The following KCNJ6 variants were observed in gnomAD, a reference collection of about 807,000 sequenced individuals.
KCNJ6 encodes the protein G protein-activated inward rectifier potassium channel 2.
Under a neutral mutation model 34.2 loss-of-function variants are expected in KCNJ6, and 9 were observed. That is an observed-to-expected ratio of 0.26 (90% CI 0.16 to 0.46). The LOEUF (loss-of-function observed/expected upper bound fraction) is 0.46, where lower values mean the gene tolerates loss of function less well. Ranked by LOEUF, KCNJ6 falls within the 20% of genes least tolerant of loss-of-function variation. The probability of loss-of-function intolerance (pLI) is 1.00; values close to 1 mark genes in which losing one functional copy is unlikely to be tolerated. For synonymous variants in KCNJ6, 196 were observed against 207.1 expected, an observed-to-expected ratio of 0.95 and a Z score of 0.46; for missense variants, 236 against 531.3, an observed-to-expected ratio of 0.44 and a Z score of 5.46.
intron 1 of KCNJ6, among the ~76,000 whole-genome samples, chr21:37,880,365 T>G (rs3827201): frequency 0.3 from 45,098 of 152,198 alleles, 8,524 homozygotes; most frequent in African/African-American, 0.55. Flanking sequence ...AACATTGGAA[T>G]TTAGTCCTGG....
rs965422646 is a variant in KCNJ6, at chr21:37,618,495, C to T, written c.*6664G>A. 8.5e-5 allele frequency: 13 copies of T among 152,146 alleles called. No individual in the cohort carries two copies. The highest frequency in any genetic ancestry group is 2.7e-4 in the African/African-American group (11 of 41,500). 9.4% of individuals were successfully genotyped at this position (152,146 alleles called of 1,614,324 possible). On this transcript the variant is annotated 3_prime_UTR_variant, in exon 4 of 4. Coordinates refer to ENST00000609713, the MANE Select transcript of KCNJ6 (RefSeq NM_002240.5). ...ATTTACATTGCCTGAGAAAAACAGC[C>T]CTTCATATTCTTATAAAGATTGGCT...
intron 2 of KCNJ6, among the ~76,000 whole-genome samples, chr21:37,772,180 G>A (rs750048665): frequency 6.6e-6 from 1 of 152,004 alleles, no homozygotes; most frequent in Non-Finnish European, 1.5e-5. Flanking sequence ...AAAAATTAAA[G>A]AGTGCCCCAA....
chr21:37,837,340 C>G (rs930887070), intron 2 of KCNJ6, among the ~76,000 whole-genome samples: 5 of 152,112 alleles, frequency 3.3e-5, no homozygotes, highest in African/African-American at 1.2e-4. Flanking sequence ...TTTATTCAAA[C>G]ATTTAAAATT....
chr21:37,752,424 T>G (rs961222051), intron 2 of KCNJ6, among the ~76,000 whole-genome samples: 5 of 152,056 alleles, frequency 3.3e-5, no homozygotes, highest in African/African-American at 1.2e-4. Flanking sequence ...CAGTCAAACC[T>G]TCTCTCCCAG....
intron 2 of KCNJ6, among the ~76,000 whole-genome samples, chr21:37,740,970 T>C (rs148491873): frequency 2.5e-3 from 376 of 152,368 alleles, no homozygotes; most frequent in African/African-American, 8.8e-3. Context: ...CCCTTGAATG[T>C]TGGGGGTACC....
At position 37,699,914 on chromosome 21, in the gene KCNJ6, A is replaced by T. The variant is rs111577452; in HGVS notation, c.946+14297T>A. Among the ~76,000 whole-genome samples the T allele has an allele frequency of 6.7e-3, 1,024 of 152,326 alleles. 13 individuals carry two copies. Among genetic ancestry groups the T allele is most frequent in the African/African-American group, 0.024 (985 of 41,572 alleles). The stretch of plus-strand genomic sequence containing the variant: ...CATTAAATGACATGACAGCCTTCAT[A>T]GGGAAGCCAGATGTTGCCCACAACT... On this transcript the variant is annotated intron_variant, in intron 3 of 3. Coordinates refer to ENST00000609713, the MANE Select transcript of KCNJ6 (RefSeq NM_002240.5).
chr21:37,914,008 G>GTGTGTGTGT (rs1555855560), intron 1 of KCNJ6, among the ~76,000 whole-genome samples: 2 of 135,584 alleles, frequency 1.5e-5, no homozygotes, highest in East Asian at 2.4e-4. Flanking sequence ...GGCGGATCGG[G>GTGTGTGTGT]GTGTGTGTGT....
chr21:37,636,076 C>T (rs555920675), intron 3 of KCNJ6, among the ~76,000 whole-genome samples: 2 of 152,246 alleles, frequency 1.3e-5, no homozygotes, highest in South Asian at 2.1e-4. Flanking sequence ...ACGTGGAGTA[C>T]TGATGTCTGA....
At position 37,840,709 on chromosome 21, in the gene KCNJ6, C is replaced by T; in HGVS notation, c.-27G>A. ...GTTGCAGTTTCTTCTTTGTGCTTTT[C>T]CTGGAGGTGAGAAGAAAAGACAATT... On this transcript the variant is annotated splice_region_variant and 5_prime_UTR_variant, in exon 2 of 4. Transcript: ENST00000609713. 2.6e-6 allele frequency: 4 copies of T among 1,567,874 alleles called. No individual in the cohort carries two copies. The highest frequency in any genetic ancestry group is 1.8e-6 in the Non-Finnish European group (2 of 1,141,728).
At chr21:37,667,154 TAAAAAAAAAAAAAAAAAAAAAA>T (rs55953891) in intron 3 of KCNJ6, among the ~76,000 whole-genome samples, 1 of 39,068 alleles carries the variant, frequency 2.6e-5, no homozygotes, top group East Asian at 8.3e-4. Flanking sequence ...CAATAAATAC[TAAAAAAAAAAAAAAAAAAAAAA>T]AAAAAAAATT....
rs3787824 is a variant in KCNJ6 at position 37,746,077 on chromosome 21, T to C, written c.26-30946A>G. ...CAAACTCTATCTGTGATCTCTCTTATAAGGGTGCTGACTCCATCCTGAGGG... is the reference window on the plus strand; with the variant it reads ...CAAACTCTATCTGTGATCTCTCTTACAAGGGTGCTGACTCCATCCTGAGGG... On this transcript the variant is annotated intron_variant, in intron 2 of 3. Coordinates refer to ENST00000609713, the MANE Select transcript of KCNJ6 (RefSeq NM_002240.5). Among the ~76,000 whole-genome samples the C allele has an allele frequency of 4.6e-5, 7 of 152,264 alleles. No homozygotes were observed. The East Asian group carries it at 1.4e-3, about 29-fold the overall frequency.
At chr21:37,815,977 T>C (rs1448010283) in intron 2 of KCNJ6, among the ~76,000 whole-genome samples, 1 of 152,174 alleles carries the variant, frequency 6.6e-6, no homozygotes, top group Non-Finnish European at 1.5e-5. Flanking sequence ...GGTGTCTTGG[T>C]GAATACAGGC....
In KCNJ6 at chr21:37,621,959, C is replaced by T. The variant is rs2054291240; in HGVS notation, c.*3200G>A. On this transcript the variant is annotated 3_prime_UTR_variant, in exon 4 of 4. Coordinates refer to ENST00000609713, the MANE Select transcript of KCNJ6 (RefSeq NM_002240.5). ...GTTGATTTATAAATGAATGGGTGCT[C>T]TTCCAGTTGGAGAGCACGTTGGGGT... 6.6e-6 allele frequency: 1 copy of T among 152,218 alleles called. No homozygotes were observed. Among genetic ancestry groups the T allele is most frequent in the Non-Finnish European group, 1.5e-5 (1 of 68,044 alleles). 9.4% of individuals were successfully genotyped at this position (152,218 alleles called of 1,614,324 possible).
At chr21:37,701,538 C>A (rs561470635) in intron 3 of KCNJ6, among the ~76,000 whole-genome samples, 2 of 152,132 alleles carry the variant, frequency 1.3e-5, no homozygotes, top group Non-Finnish European at 2.9e-5. Flanking sequence ...ATCCAGGGCC[C>A]GCTGTGGTCC....
chr21:37,809,479 A>C (rs895789476), intron 2 of KCNJ6, among the ~76,000 whole-genome samples: 1 of 152,122 alleles, frequency 6.6e-6, no homozygotes, highest in African/African-American at 2.4e-5. Context: ...TACACATGTA[A>C]CAAACCTGCA....
intron 3 of KCNJ6, among the ~76,000 whole-genome samples, chr21:37,662,258 C>T (rs565399920): frequency 1.1e-4 from 17 of 152,128 alleles, no homozygotes; most frequent in Non-Finnish European, 2.4e-4. Context: ...CCCTCCCCAT[C>T]CCCATCCCTG....
Position 37,714,404 on chromosome 21 carries a change from C to CT in KCNJ6, c.752dup (p.Phe252ValfsTer18). ...TATCCGTCTGGTTCAACGGGATGAA[C>CT]TCCCCCTCCGAGGTCTGTTTGGATT... On this transcript the variant is annotated frameshift_variant, in exon 3 of 4. Transcript: ENST00000609713. LOFTEE classifies it high-confidence loss of function. This position sits in a 1 kb window ranked among gnomAD's most constrained non-coding sequence, Gnocchi z 5.9. 1.2e-6 allele frequency: 2 copies of CT among 1,614,170 alleles called. No individual in the cohort carries two copies. Among genetic ancestry groups the CT allele is most frequent in the Non-Finnish European group, 1.7e-6 (2 of 1,180,040 alleles).
At chr21:37,709,518 A>AAAAAGAAAAG (rs60819007) in intron 3 of KCNJ6, among the ~76,000 whole-genome samples, 37 of 145,778 alleles carry the variant, frequency 2.5e-4, no homozygotes, top group South Asian at 1.1e-3. Context: ...CTGTCTCAAA[A>AAAAAGAAAAG]AAAAGAAAAG....
In KCNJ6 at chr21:37,615,241, A is replaced by ATTTTTTTTTTTTTT. The variant is rs2054262036; in HGVS notation, c.*9917_*9918insAAAAAAAAAAAAAA. 1.8e-5 allele frequency: 2 copies of ATTTTTTTTTTTTTT among 111,856 alleles called. 1 individual carries two copies. The allele number at this position is 111,856 out of a possible 1,614,324, so 6.9% of individuals were successfully genotyped here. A position where few individuals can be genotyped will look rare whatever the true frequency, so the allele number is the denominator to read the frequency against. ...CAGACCCTCGACTGACATTCCCAGCATTCTTTTTTTTTTTTTTTTTTTTTT... is the reference window on the plus strand; with the variant it reads ...CAGACCCTCGACTGACATTCCCAGCATTTTTTTTTTTTTTTTCTTTTTTTTTTTTTTTTTTTTTT... On this transcript the variant is annotated 3_prime_UTR_variant, in exon 4 of 4. Transcript: ENST00000609713.
Sources: gnomAD v4.1 joint callset for allele counts (sites outside exome capture counted in the v4.1 genomes callset) on GRCh38, gnomAD v4.1.1 for gene constraint, Gnocchi (gnomAD v3.1) non-coding constraint, MANE v1.5 for transcripts, NCBI Gene and HGNC (gene_info 2026-07-23, HGNC 2026-07-21) for gene names.